NOBOX: variants seen among roughly 807,000 people sequenced by gnomAD.
NOBOX encodes the protein homeobox protein NOBOX.
NOBOX carries 46 observed loss-of-function variants against 60.2 expected under a neutral mutation model. That is an observed-to-expected ratio of 0.76 (90% CI 0.60 to 0.98). The LOEUF (loss-of-function observed/expected upper bound fraction) is 0.98, where lower values mean the gene tolerates loss of function less well. Among genes scored for constraint, NOBOX ranks in the 50% least tolerant of loss-of-function variants. NOBOX has a pLI of 0.00. For synonymous variants in NOBOX, 360 were observed against 346.3 expected (o/e 1.04, Z -0.44); for missense variants, 880 against 865.5 (o/e 1.02, Z -0.21).
At chr7:144,403,935 C>G (rs1027545870) in intron 2 of NOBOX, among the ~76,000 whole-genome samples, 2 of 152,066 alleles carry the variant, frequency 1.3e-5, no homozygotes, top group East Asian at 1.9e-4. Context: ...CCGCTCCCCC[C>G]AGCCAGGAGC....
At position 144,400,239 on chromosome 7, in the gene NOBOX, G is replaced by A; in HGVS notation, c.918C>T (p.Ala306=). ...GCTGGGGGGTCACCCCCACCGTCTG[G>A]GCAATCTCTCGGCGTTTATCACTGT... The change falls in exon 5 of 10, where the codon GCC becomes GCT. Residue 306 remains alanine, a synonymous_variant. Coordinates refer to ENST00000467773, the MANE Select transcript of NOBOX (RefSeq NM_001080413.3). 1.2e-6 allele frequency: 2 copies of A among 1,614,068 alleles called. No homozygotes were observed. The highest frequency in any genetic ancestry group is 1.3e-5 in the African/African-American group (1 of 75,074).
At position 144,401,157 on chromosome 7, in the gene NOBOX, C is replaced by T. The variant is rs781697986; in HGVS notation, c.733G>A (p.Ala245Thr). The change falls in exon 4 of 10, where the codon GCC becomes ACC. Residue 245 changes from alanine (A) to threonine (T), a missense_variant. Physicochemically the swap from Ala to Thr is moderately conservative, Grantham distance 58. Transcript: ENST00000467773. This position sits in a 1 kb window ranked among gnomAD's most constrained non-coding sequence, Gnocchi z 4.2. Reference sequence around the variant, plus strand: ...TGCGCCAATGTACTGAGGAGATTGGCCAGGTGGCAGGGCCCCCGGCCTGAC... The same window carrying T: ...TGCGCCAATGTACTGAGGAGATTGGTCAGGTGGCAGGGCCCCCGGCCTGAC... 1 of 1,611,222 alleles carries T rather than the reference C, an allele frequency of 6.2e-7. No homozygotes were observed. Among genetic ancestry groups the T allele is most frequent in the African/African-American group, 1.3e-5 (1 of 74,954 alleles).
In NOBOX at chr7:144,398,581, G is replaced by T. The variant is rs1340276971; in HGVS notation, c.1475C>A (p.Thr492Asn). ...CAAATATGAACAGGGGGGTGGCAGG[G>T]TGATGCTGCAAGGACAGAGGAACAG... Residue 492 changes from threonine (T) to asparagine (N), a missense_variant, in exon 9 of 10, where the codon ACC becomes AAC. Coordinates refer to ENST00000467773, the MANE Select transcript of NOBOX (RefSeq NM_001080413.3). The T allele has an allele frequency of 6.5e-7, 1 of 1,535,464 alleles. No homozygotes were observed. Among genetic ancestry groups the T allele is most frequent in the East Asian group, 2.4e-5 (1 of 40,876 alleles).
chr7:144,401,150 A>C lies in NOBOX; in HGVS notation c.740T>G (p.Leu247Arg). Reference sequence around the variant, plus strand: ...GTTGCTCTGCGCCAATGTACTGAGGAGATTGGCCAGGTGGCAGGGCCCCCG... The same window carrying C: ...GTTGCTCTGCGCCAATGTACTGAGGCGATTGGCCAGGTGGCAGGGCCCCCG... Residue 247 changes from leucine to arginine, a missense_variant, in exon 4 of 10, where the codon CTC becomes CGC. Leu to Arg is a moderately radical substitution (Grantham distance 102). Coordinates refer to ENST00000467773, the MANE Select transcript of NOBOX (RefSeq NM_001080413.3). This position sits in a 1 kb window ranked among gnomAD's most constrained non-coding sequence, Gnocchi z 4.2. The C allele has an allele frequency of 6.2e-7, 1 of 1,610,532 alleles. No individual in the cohort carries two copies. The highest frequency in any genetic ancestry group is 8.5e-7 in the Non-Finnish European group (1 of 1,177,956).
chr7:144,400,422 A>C (rs765105887), intron 4 of NOBOX, 110 bp from the exon 3 acceptor site: 664 of 921,744 alleles, frequency 7.2e-4, no homozygotes, highest in Non-Finnish European at 9.9e-4. Context: ...ACTGCCCCTA[A>C]CCCAACACTT....
chr7:144,397,782 C>A (rs1030341131), intron 9 of NOBOX, among the ~76,000 whole-genome samples: 1 of 152,166 alleles, frequency 6.6e-6, no homozygotes, highest in Non-Finnish European at 1.5e-5. Context: ...CAGGCCAATG[C>A]TGTTTCGTAC....
chr7:144,397,166 C>T (rs1390362226), downstream of NOBOX: 4 of 1,345,998 alleles, frequency 3.0e-6, no homozygotes, highest in Non-Finnish European at 4.0e-6. Flanking sequence ...TTCCCAAACC[C>T]CCAACCCCTG....
At position 144,397,266 on chromosome 7, in the gene NOBOX, C is replaced by T; in HGVS notation, c.2050G>A (p.Asp684Asn). The change falls in exon 10 of 10, where the codon GAT becomes AAT. Residue 684 changes from aspartate to asparagine, a missense_variant. Physicochemically the swap from Asp to Asn is conservative, Grantham distance 23. Coordinates refer to ENST00000467773, the MANE Select transcript of NOBOX (RefSeq NM_001080413.3). The stretch of plus-strand genomic sequence containing the variant: ...TAGGGGACATGGCTATTCTTGTCAT[C>T]CCCTCTGGCCTCCTCCAGTGCTGAG... 1 of 1,533,890 alleles carries T rather than the reference C, an allele frequency of 6.5e-7. No homozygotes were observed. The highest frequency in any genetic ancestry group is 8.7e-7 in the Non-Finnish European group (1 of 1,144,260).
In NOBOX at chr7:144,399,515, G is replaced by A. The variant is rs375670850; in HGVS notation, c.1155-33C>T. 125 of 1,516,108 alleles carry A rather than the reference G, an allele frequency of 8.2e-5. 1 individual carries two copies. The African/African-American group carries it at 1.3e-3, about 16-fold the overall frequency. 93.9% of individuals were successfully genotyped at this position (1,516,108 alleles called of 1,614,324 possible). ...CAGGAAGAATGAAGACTGTAGCTTTGGTGGTCTCTGGATTTGCACAGGTGC... is the reference window on the plus strand; with the variant it reads ...CAGGAAGAATGAAGACTGTAGCTTTAGTGGTCTCTGGATTTGCACAGGTGC... On this transcript the variant is annotated intron_variant, in intron 6 of 9. Coordinates refer to ENST00000467773, the MANE Select transcript of NOBOX (RefSeq NM_001080413.3).
intron 1 of NOBOX, among the ~76,000 whole-genome samples, chr7:144,406,024 C>A (rs4725649): frequency 6.6e-6 from 1 of 151,938 alleles, no homozygotes; most frequent in African/African-American, 2.4e-5. Flanking sequence ...CAGTGAGAAG[C>A]GGGTGCAATT....
Position 144,399,128 on chromosome 7 carries a change from TG to T in NOBOX, c.1290del (p.Ser431ValfsTer8). ...GTCACCACCCTCTGAGCACCCTCAC[TG>T]GGTTGGGTGGGGGCCAAAGTCTGGT... is the stretch of plus-strand genomic sequence containing the variant. On this transcript the variant is annotated frameshift_variant, in exon 8 of 10. Transcript: ENST00000467773. LOFTEE classifies it high-confidence loss of function. 6.4e-7 allele frequency: 1 copy of T among 1,566,978 alleles called. No homozygotes were observed. The highest frequency in any genetic ancestry group is 8.7e-7 in the Non-Finnish European group (1 of 1,145,166).
At position 144,400,055 on chromosome 7, in the gene NOBOX, A is replaced by G. The variant is rs889332191; in HGVS notation, c.1047+55T>C. ...TCTCCTAATGCTCTCAGGCTGTGGC[A>G]CTCTGGAAACAGTCAGGGACACAGC... On this transcript the variant is annotated intron_variant, in intron 5 of 9. Coordinates refer to ENST00000467773, the MANE Select transcript of NOBOX (RefSeq NM_001080413.3). 1.3e-5 allele frequency: 20 copies of G among 1,552,212 alleles called. No individual in the cohort carries two copies. In the African/African-American group the frequency reaches 1.4e-4, roughly 11 times the overall value.
intron 4 of NOBOX, among the ~76,000 whole-genome samples, chr7:144,400,539 T>G (rs2053929991): frequency 6.6e-6 from 1 of 152,184 alleles, no homozygotes; most frequent in Non-Finnish European, 1.5e-5. Context: ...CCAACATCAT[T>G]TTCTTTTTTT....
At position 144,401,209 on chromosome 7, in the gene NOBOX, A is replaced by G; in HGVS notation, c.681T>C (p.Arg227=). 2 of 1,613,700 alleles carry G rather than the reference A, an allele frequency of 1.2e-6. No individual in the cohort carries two copies. Among genetic ancestry groups the G allele is most frequent in the South Asian group, 2.2e-5 (2 of 91,020 alleles). Residue 227 remains arginine (R), a synonymous_variant, in exon 4 of 10, where the codon CGT becomes CGC. Transcript: ENST00000467773. The surrounding 1 kb of genome is among the most constrained non-coding windows in gnomAD (Gnocchi z 4.2). ...CACAGGGCACTGGGTTGTGTGTGGC[A>G]CGGGCTGAGTTAGGGGCACCCGGAG...
Position 144,401,009 on chromosome 7 carries a change from C to T in NOBOX, c.844+37G>A, listed in dbSNP as rs1465767458. ...CAGCCCCACCTTTCCCCAGGATGAC[C>T]CCAGATCTCTTCGGTTTCCTCTCTT... On this transcript the variant is annotated intron_variant, in intron 4 of 9. Coordinates refer to ENST00000467773, the MANE Select transcript of NOBOX (RefSeq NM_001080413.3). The surrounding 1 kb of genome is among the most constrained non-coding windows in gnomAD (Gnocchi z 4.2). 5 of 1,474,718 alleles carry T rather than the reference C, an allele frequency of 3.4e-6. No individual in the cohort carries two copies. The highest frequency in any genetic ancestry group is 4.5e-6 in the Non-Finnish European group (5 of 1,109,256). 91.4% of individuals were successfully genotyped at this position (1,474,718 alleles called of 1,614,324 possible).
intron 1 of NOBOX, among the ~76,000 whole-genome samples, chr7:144,407,718 C>T (rs1292716261): frequency 2.0e-5 from 3 of 152,220 alleles, no homozygotes; most frequent in African/African-American, 7.2e-5. Context: ...TTCAGGTTGC[C>T]TGTGAAGGGA....
chr7:144,405,615 G>A (rs372850081), intron 1 of NOBOX, among the ~76,000 whole-genome samples: 2 of 152,142 alleles, frequency 1.3e-5, no homozygotes, highest in East Asian at 1.9e-4. Context: ...CAGGATGAAC[G>A]GCAAGCTCTG....
chr7:144,402,621 C>A (rs920022375), intron 2 of NOBOX, among the ~76,000 whole-genome samples: 1 of 152,152 alleles, frequency 6.6e-6, no homozygotes, highest in Non-Finnish European at 1.5e-5. Flanking sequence ...ACTCCAAGAA[C>A]CCTCAGCTCA....
intron 1 of NOBOX, among the ~76,000 whole-genome samples, chr7:144,406,919 A>G (rs1337680246): frequency 1.3e-5 from 2 of 151,958 alleles, no homozygotes; most frequent in Admixed American, 6.6e-5. Context: ...GTTTGGTTGC[A>G]TTTCATCTTT....
Sources: allele counts gnomAD v4.1 joint callset (sites outside exome capture counted in the v4.1 genomes callset), GRCh38; gene constraint gnomAD v4.1.1; non-coding constraint Gnocchi (gnomAD v3.1); transcripts MANE v1.5; gene names NCBI Gene and HGNC (gene_info 2026-07-23, HGNC 2026-07-21).